Variants in SS18 observed in about 807,000 individuals in gnomAD.
The protein encoded by SS18 is protein SSXT.
A neutral mutation model predicts 72.5 loss-of-function variants in SS18; 28 were observed. The observed-to-expected ratio is 0.39, with a 90% confidence interval of 0.29 to 0.53. The LOEUF (loss-of-function observed/expected upper bound fraction) is 0.53. Ranked by LOEUF, SS18 falls within the 20% of genes least tolerant of loss-of-function variation. SS18 has a pLI of 0.76. For synonymous variants in SS18, 172 were observed against 164.2 expected, an observed-to-expected ratio of 1.05 and a Z score of -0.37; for missense variants, 518 against 535.3, an observed-to-expected ratio of 0.97 and a Z score of 0.32.
intron 3 of SS18, among the ~76,000 whole-genome samples, chr18:26,069,058 C>A (rs1386900023): frequency 6.6e-6 from 1 of 152,154 alleles, no homozygotes; most frequent in Non-Finnish European, 1.5e-5. Context: ...TCAGTTGAGT[C>A]TCCAAACACT....
chr18:26,032,801 G>A (rs553840946), intron 9 of SS18, among the ~76,000 whole-genome samples: 3 of 152,222 alleles, frequency 2.0e-5, no homozygotes, highest in African/African-American at 7.2e-5. Flanking sequence ...AAGACTCAGG[G>A]AGTTGTAAAG....
intron 10 of SS18, among the ~76,000 whole-genome samples, chr18:26,019,516 T>C (rs891361175): frequency 1.3e-5 from 2 of 152,002 alleles, no homozygotes; most frequent in African/African-American, 4.8e-5. Flanking sequence ...TAAACAGAAT[T>C]AGGGATTTTA....
chr18:26,045,921 G>A lies in SS18; in HGVS notation c.608-6465C>T, dbSNP rs1370359899. On this transcript the variant is annotated intron_variant, in intron 5 of 10. Transcript: ENST00000415083. ...GAATTGGCCAGATGCAGTGGCTCAC[G>A]CCTGTATGTACTCCCAGTACTTTGG... is the stretch of plus-strand genomic sequence containing the variant. 4.6e-5 allele frequency among the ~76,000 whole-genome samples: 7 copies of A among 151,968 alleles called. No homozygotes were observed. In the East Asian group the frequency reaches 9.7e-4, roughly 21 times the overall value.
chr18:26,044,286 G>A (rs1027602922), intron 5 of SS18, among the ~76,000 whole-genome samples: 4 of 151,292 alleles, frequency 2.6e-5, no homozygotes, highest in African/African-American at 7.3e-5. Context: ...GAAGTAAGAC[G>A]TGTTTTTTAT....
chr18:26,017,175 C>T lies in SS18; in HGVS notation c.*1179G>A, dbSNP rs2098105462. 1 of 207,480 alleles carries T rather than the reference C, an allele frequency of 4.8e-6. No homozygotes were observed. The highest frequency in any genetic ancestry group is 9.8e-6 in the Non-Finnish European group (1 of 102,046). 12.9% of individuals were successfully genotyped at this position (207,480 alleles called of 1,614,324 possible). On this transcript the variant is annotated 3_prime_UTR_variant, in exon 11 of 11. Coordinates refer to ENST00000415083, the MANE Select transcript of SS18 (RefSeq NM_001007559.3). The stretch of plus-strand genomic sequence containing the variant: ...TAAACAAGGTTATCTAGAATGCAAC[C>T]TCGGTGCTTTAAAAACAGATAGAAT...
intron 10 of SS18, among the ~76,000 whole-genome samples, chr18:26,032,087 A>C (rs2053552309): frequency 1.3e-5 from 2 of 152,184 alleles, no homozygotes. Flanking sequence ...CTCTATCTAT[A>C]CTTTACCTCA....
intron 6 of SS18, among the ~76,000 whole-genome samples, 153 bp downstream of exon 6, chr18:26,039,136 C>T (rs1016710825): frequency 6.9e-6 from 1 of 144,278 alleles, no homozygotes; most frequent in African/African-American, 2.6e-5. Flanking sequence ...TCTTCGTGAC[C>T]CCTTTGTACT....
At chr18:26,065,944 T>C (rs951353256) in intron 3 of SS18, among the ~76,000 whole-genome samples, 2 of 151,576 alleles carry the variant, frequency 1.3e-5, no homozygotes, top group Admixed American at 6.6e-5. Flanking sequence ...ATCTTGATTA[T>C]AGTGGTGATT....
chr18:26,055,332 T>C (rs2053998015), intron 4 of SS18, among the ~76,000 whole-genome samples: 1 of 151,694 alleles, frequency 6.6e-6, no homozygotes, highest in East Asian at 2.0e-4. Flanking sequence ...CCAGGTGTGG[T>C]GGTGTGCGCC....
At chr18:26,046,294 T>C (rs1340138130) in intron 5 of SS18, among the ~76,000 whole-genome samples, 1 of 139,000 alleles carries the variant, frequency 7.2e-6, no homozygotes, top group Non-Finnish European at 1.5e-5. Flanking sequence ...TCAAGAATAA[T>C]TTAAAAAGTA....
intron 5 of SS18, 88 bp from the exon 6 acceptor site, chr18:26,039,544 T>A: frequency 8.2e-7 from 1 of 1,213,266 alleles, no homozygotes; most frequent in Non-Finnish European, 1.1e-6. Flanking sequence ...TATCATATAG[T>A]CCCAAAAATA....
chr18:26,072,354 TAAAA>T (rs11339746), intron 3 of SS18, among the ~76,000 whole-genome samples: 1 of 136,918 alleles, frequency 7.3e-6, no homozygotes, highest in Admixed American at 7.3e-5. Context: ...TAGACTGAGT[TAAAA>T]AAAAAAAAAA....
In SS18 at chr18:26,035,115, T is replaced by C. The variant is rs770620802; in HGVS notation, c.986A>G (p.Tyr329Cys). Reference sequence around the variant, plus strand: ...CTGGTATGCATCTTGCTGTTGGCCATACTGTGAATTTCCTACAGGATAATT... The same window carrying C: ...CTGGTATGCATCTTGCTGTTGGCCACACTGTGAATTTCCTACAGGATAATT... ...QHYYEGGNSQ[Y>C]GQQQDAYQGP... The change falls in exon 9 of 11, where the codon TAT becomes TGT. Residue 329 changes from tyrosine (Y) to cysteine (C), a missense_variant. Tyr to Cys is a radical substitution (Grantham distance 194). Transcript: ENST00000415083. This position sits in a 1 kb window ranked among gnomAD's most constrained non-coding sequence, Gnocchi z 4.4. 1.2e-6 allele frequency: 2 copies of C among 1,612,950 alleles called. No homozygotes were observed. Among genetic ancestry groups the C allele is most frequent in the South Asian group, 1.1e-5 (1 of 90,978 alleles).
chr18:26,090,398 CCTCCGCCTCGGCCCGGTCGA>C, intron 1 of SS18, 83 bp downstream of exon 1: 1 of 1,188,880 alleles, frequency 8.4e-7, no homozygotes, highest in Non-Finnish European at 1.2e-6. Context: ...AGCAGGCCCG[CCTCCGCCTCGGCCCGGTCGA>C]CTCCGGGCCC....
chr18:26,032,618 T>C, intron 9 of SS18, 86 bp from the exon 10 acceptor site: 2 of 1,429,994 alleles, frequency 1.4e-6, no homozygotes, highest in African/African-American at 1.4e-5. Context: ...GAGATGTTAC[T>C]GTATTTTTCT....
chr18:26,060,184 C>T (rs1200184862), intron 3 of SS18, among the ~76,000 whole-genome samples: 1 of 152,148 alleles, frequency 6.6e-6, no homozygotes, highest in Non-Finnish European at 1.5e-5. Flanking sequence ...CAAAACGTGG[C>T]ATATGAATAC....
intron 4 of SS18, 110 bp downstream of exon 4, chr18:26,057,479 G>T: frequency 7.9e-7 from 1 of 1,260,020 alleles, no homozygotes. Flanking sequence ...CTTGTACTCG[G>T]GGGCATTCAA....
intron 3 of SS18, among the ~76,000 whole-genome samples, chr18:26,074,832 C>A (rs2054382106): frequency 6.6e-6 from 1 of 151,382 alleles, no homozygotes; most frequent in African/African-American, 2.4e-5. Context: ...CTTAAAAAAC[C>A]CATAATAAAC....
At chr18:26,039,481 A>G in intron 5 of SS18, 25 bp from the exon 6 acceptor site, 4 of 1,561,980 alleles carry the variant, frequency 2.6e-6, no homozygotes, top group Non-Finnish European at 2.6e-6. Flanking sequence ...AACATTATAC[A>G]CATAATTTTT....
Sources: gnomAD v4.1 joint callset for allele counts (sites outside exome capture counted in the v4.1 genomes callset) on GRCh38, gnomAD v4.1.1 for gene constraint, Gnocchi (gnomAD v3.1) non-coding constraint, MANE v1.5 for transcripts, NCBI Gene and HGNC (gene_info 2026-07-23, HGNC 2026-07-21) for gene names.